STIMATE: variants seen among roughly 807,000 people sequenced by gnomAD.
STIMATE encodes store-operated calcium entry regulator STIMATE.
A neutral mutation model predicts 36.7 loss-of-function variants in STIMATE; 15 were observed. That is an observed-to-expected ratio of 0.41 (90% CI 0.27 to 0.63). The LOEUF (loss-of-function observed/expected upper bound fraction) is 0.63, where lower values mean the gene tolerates loss of function less well. Ranked by LOEUF, STIMATE falls within the 20% of genes least tolerant of loss-of-function variation. The pLI is 0.32. For synonymous variants in STIMATE, 163 were observed against 162.3 expected (o/e 1.00, Z -0.03); for missense variants, 305 against 397.3 (o/e 0.77, Z 1.98).
At position 52,860,594 on chromosome 3, in the gene STIMATE, G is replaced by A. The variant is rs549579270; in HGVS notation, c.161-5150C>T. On this transcript the variant is annotated intron_variant, in intron 1 of 7. Transcript: ENST00000355083. ...GCAGGCTCCCTCCAGCTGCTGTGCT[G>A]AGAGCAGCCCACAGGGATGGTATGG... Among the ~76,000 whole-genome samples, 7 of 152,168 alleles carry A rather than the reference G, an allele frequency of 4.6e-5. No homozygotes were observed. The East Asian group carries it at 1.4e-3, about 30-fold the overall frequency.
chr3:52,893,561 G>A (rs1701816580), intron 1 of STIMATE, among the ~76,000 whole-genome samples: 1 of 152,208 alleles, frequency 6.6e-6, no homozygotes, highest in African/African-American at 2.4e-5. Flanking sequence ...ACACAAGCCT[G>A]TTCACACAGA....
chr3:52,838,359 G>A lies in STIMATE; in HGVS notation c.*2135C>T, dbSNP rs1157788478. The A allele has an allele frequency of 6.6e-6, 1 of 152,194 alleles. No individual in the cohort carries two copies. Among genetic ancestry groups the A allele is most frequent in the Non-Finnish European group, 1.5e-5 (1 of 68,048 alleles). 9.4% of individuals were successfully genotyped at this position (152,194 alleles called of 1,614,324 possible). On this transcript the variant is annotated 3_prime_UTR_variant, in exon 8 of 8. Coordinates refer to ENST00000355083, the MANE Select transcript of STIMATE (RefSeq NM_198563.5). Reference sequence around the variant, plus strand: ...AGACTGAACATGAAGCTCCAATTGTGAGCTCCAGGAAGGTGGAAGAAACAG... The same window carrying A: ...AGACTGAACATGAAGCTCCAATTGTAAGCTCCAGGAAGGTGGAAGAAACAG...
chr3:52,841,219 T>C (rs1267443627), intron 7 of STIMATE, among the ~76,000 whole-genome samples: 6 of 152,228 alleles, frequency 3.9e-5, no homozygotes, highest in African/African-American at 1.2e-4. Flanking sequence ...AGCAGGGATC[T>C]GCAGCCTAAG....
rs1189006783 is a variant in STIMATE, at chr3:52,880,148, A to T, written c.160+17143T>A. Reference sequence around the variant, plus strand: ...AGCATAGTTCATGAGATCCTAGATAAAAGGAGGCTTAGGGCCCGGGTGGGG... The same window carrying T: ...AGCATAGTTCATGAGATCCTAGATATAAGGAGGCTTAGGGCCCGGGTGGGG... On this transcript the variant is annotated intron_variant, in intron 1 of 7. Coordinates refer to ENST00000355083, the MANE Select transcript of STIMATE (RefSeq NM_198563.5). Among the ~76,000 whole-genome samples, 5 of 152,176 alleles carry T rather than the reference A, an allele frequency of 3.3e-5. 1 individual carries two copies. Among genetic ancestry groups the T allele is most frequent in the Non-Finnish European group, 7.3e-5 (5 of 68,030 alleles).
intron 1 of STIMATE, among the ~76,000 whole-genome samples, chr3:52,884,638 G>T (rs78737075): frequency 6.6e-6 from 1 of 152,142 alleles, no homozygotes; most frequent in African/African-American, 2.4e-5. Context: ...CCCTTTTCTA[G>T]AATTTCATAT....
chr3:52,855,547 A>G, intron 1 of STIMATE, 103 bp from the exon 2 acceptor site: 1 of 1,478,884 alleles, frequency 6.8e-7, no homozygotes, highest in East Asian at 2.3e-5. Context: ...TGTATAACCA[A>G]GGTAATACAC....
intron 1 of STIMATE, among the ~76,000 whole-genome samples, chr3:52,875,330 G>A (rs1007548419): frequency 1.3e-5 from 2 of 152,168 alleles, no homozygotes; most frequent in African/African-American, 2.4e-5. Context: ...AGGCATGGCC[G>A]TGGAGTCTGC....
chr3:52,875,073 C>G (rs986251321), intron 1 of STIMATE, among the ~76,000 whole-genome samples: 1 of 152,194 alleles, frequency 6.6e-6, no homozygotes, highest in Non-Finnish European at 1.5e-5. Context: ...TCTAGGATCA[C>G]TGCTGCGCTG....
intron 2 of STIMATE, among the ~76,000 whole-genome samples, chr3:52,853,366 G>C (rs77782057): frequency 0.012 from 1,880 of 152,326 alleles, 16 homozygotes; most frequent in South Asian, 0.028. Context: ...GTTAATCTCT[G>C]AGAGGAGCTA....
At chr3:52,894,395 A>C (rs1263724865) in intron 1 of STIMATE, among the ~76,000 whole-genome samples, 1 of 152,166 alleles carries the variant, frequency 6.6e-6, no homozygotes, top group East Asian at 1.9e-4. Flanking sequence ...ATACATTCTC[A>C]ACTGCCTGGA....
chr3:52,894,386 T>C (rs1701831623), intron 1 of STIMATE, among the ~76,000 whole-genome samples: 1 of 152,298 alleles, frequency 6.6e-6, no homozygotes, highest in East Asian at 1.9e-4. Context: ...ACCTGGCATA[T>C]ACATTCTCAA....
intron 2 of STIMATE, among the ~76,000 whole-genome samples, chr3:52,853,451 T>C (rs1486702737): frequency 6.6e-6 from 1 of 152,224 alleles, no homozygotes; most frequent in Admixed American, 6.5e-5. Flanking sequence ...CAGCACCAGG[T>C]AGCCATTCTC....
At chr3:52,876,289 C>T (rs1441478167) in intron 1 of STIMATE, among the ~76,000 whole-genome samples, 1 of 152,160 alleles carries the variant, frequency 6.6e-6, no homozygotes, top group Non-Finnish European at 1.5e-5. Flanking sequence ...CACTGCTGAC[C>T]CTCACCTACC....
At position 52,836,837 on chromosome 3, in the gene STIMATE, A is replaced by G. The variant is rs1700709568; in HGVS notation, c.*3657T>C. 3.6e-6 allele frequency: 1 copy of G among 280,878 alleles called. No homozygotes were observed. The allele number at this position is 280,878 out of a possible 1,614,324, so 17.4% of individuals were successfully genotyped here. ...TTCATTTCAAAAAAACGTTTCCATG[A>G]ATCCTACCACCACCGATTAAGCACC... On this transcript the variant is annotated 3_prime_UTR_variant, in exon 8 of 8. Transcript: ENST00000355083.
intron 1 of STIMATE, among the ~76,000 whole-genome samples, chr3:52,882,659 G>A (rs1701626281): frequency 6.6e-6 from 1 of 152,148 alleles, no homozygotes; most frequent in South Asian, 2.1e-4. Context: ...ACCCCGAAAG[G>A]AAATTTCCTT....
chr3:52,893,034 G>C (rs1006994445), intron 1 of STIMATE, among the ~76,000 whole-genome samples: 1 of 148,310 alleles, frequency 6.7e-6, no homozygotes, highest in Non-Finnish European at 1.5e-5. Context: ...TCTTCAAAAA[G>C]CCAGAAACAT....
intron 1 of STIMATE, among the ~76,000 whole-genome samples, chr3:52,859,865 G>C (rs34413874): frequency 6.6e-6 from 1 of 152,016 alleles, no homozygotes; most frequent in South Asian, 2.1e-4. Context: ...CTGGGCTTCA[G>C]ACAAGGAATG....
intron 7 of STIMATE, among the ~76,000 whole-genome samples, chr3:52,840,856 C>A (rs1304794990): frequency 6.6e-6 from 1 of 152,104 alleles, no homozygotes; most frequent in Non-Finnish European, 1.5e-5. Flanking sequence ...TGGCACCATG[C>A]CTGGTTCGTT....
At position 52,837,965 on chromosome 3, in the gene STIMATE, T is replaced by C. The variant is rs1700733346; in HGVS notation, c.*2529A>G. 2 of 152,020 alleles carry C rather than the reference T, an allele frequency of 1.3e-5. No homozygotes were observed. The highest frequency in any genetic ancestry group is 4.2e-4 in the South Asian group (2 of 4,802). 9.4% of individuals were successfully genotyped at this position (152,020 alleles called of 1,614,324 possible). A position where few individuals can be genotyped will look rare whatever the true frequency, so the allele number is the denominator to read the frequency against. ...TGACTGCAGGAGGCACTCCTGGGGA[T>C]ACAGATTTGTGTGTGTACATGTGTG... On this transcript the variant is annotated 3_prime_UTR_variant, in exon 8 of 8. Transcript: ENST00000355083.
Sources: gnomAD v4.1 joint callset for allele counts (sites outside exome capture counted in the v4.1 genomes callset) on GRCh38, gnomAD v4.1.1 for gene constraint, MANE v1.5 for transcripts, NCBI Gene and HGNC (gene_info 2026-07-23, HGNC 2026-07-21) for gene names.